Variants in YPEL4 observed in about 807,000 individuals in gnomAD.
YPEL4 encodes the protein protein yippee-like 4.
Under a neutral mutation model 16.3 loss-of-function variants are expected in YPEL4, and 5 were observed. The ratio of observed to expected loss-of-function variants is 0.31; its 90% CI spans 0.16 to 0.64. The LOEUF is 0.64. YPEL4 is among the 30% of genes least tolerant of loss of function. YPEL4 has a pLI of 0.79. For missense variants in YPEL4, 127 were observed against 170.0 expected (o/e 0.75, Z 1.41); for synonymous variants, 61 against 60.7 (o/e 1.00, Z -0.02).
chr11:57,646,656 A>T, intron 3 of YPEL4, 95 bp downstream of exon 3: 2 of 1,546,368 alleles, frequency 1.3e-6, no homozygotes, highest in Middle Eastern at 1.7e-4. Context: ...TGAAGGCACA[A>T]GATCACCTGA....
chr11:57,646,814 ACAATGACTAC>A lies in YPEL4; in HGVS notation c.142-30_142-21del. ...GAAGGACTGTGGAGACATAGGACAG[ACAATGACTAC>A]CAAGCAGCCTTCAGCCCCACTGCCT... is the stretch of plus-strand genomic sequence containing the variant. On this transcript the variant is annotated intron_variant, in intron 2 of 4. Transcript: ENST00000300022. 6.2e-7 allele frequency: 1 copy of A among 1,613,708 alleles called. No individual in the cohort carries two copies. Among genetic ancestry groups the A allele is most frequent in the South Asian group, 1.1e-5 (1 of 90,932 alleles).
chr11:57,646,961 G>C lies in YPEL4; in HGVS notation c.141+6C>G, dbSNP rs768354964. 6.4e-7 allele frequency: 1 copy of C among 1,569,204 alleles called. No individual in the cohort carries two copies. Among genetic ancestry groups the C allele is most frequent in the Admixed American group, 1.9e-5 (1 of 52,466 alleles). On this transcript the variant is annotated splice_donor_region_variant and intron_variant, in intron 2 of 4. Transcript: ENST00000300022. ...GAGGGGAATGGCAGGTCCCCGCTTC[G>C]CGTACCTTGGAAATAAGCTCATCGT...
Position 57,646,834 on chromosome 11 carries a change from T to G in YPEL4, c.142-40A>C, listed in dbSNP as rs761758034. ...GACAGACAATGACTACCAAGCAGCC[T>G]TCAGCCCCACTGCCTGAATCCCCGC... On this transcript the variant is annotated intron_variant, in intron 2 of 4. Transcript: ENST00000300022. 5.0e-6 allele frequency: 8 copies of G among 1,612,370 alleles called. No homozygotes were observed. In the East Asian group the frequency reaches 6.7e-5, roughly 13 times the overall value.
chr11:57,646,285 T>C lies in YPEL4; in HGVS notation c.294+12A>G. 1 of 1,614,072 alleles carries C rather than the reference T, an allele frequency of 6.2e-7. No homozygotes were observed. The highest frequency in any genetic ancestry group is 8.5e-7 in the Non-Finnish European group (1 of 1,179,954). On this transcript the variant is annotated intron_variant, in intron 4 of 4. Transcript: ENST00000300022. ...CCACTTTAGAGGGTGACCCTCTTCC[T>C]CAGGTACTTACATATTTCCAGCCCA...
chr11:57,646,070 C>T lies in YPEL4; in HGVS notation c.295G>A (p.Glu99Lys). The T allele has an allele frequency of 6.2e-7, 1 of 1,614,094 alleles. No individual in the cohort carries two copies. Among genetic ancestry groups the T allele is most frequent in the Non-Finnish European group, 8.5e-7 (1 of 1,180,022 alleles). Residue 99 changes from glutamate to lysine, a missense_variant and splice_region_variant, in exon 5 of 5, where the codon GAG (glutamate) becomes AAG (lysine). Coordinates refer to ENST00000300022, the MANE Select transcript of YPEL4 (RefSeq NM_145008.3). ...SCKTTLGWKY[E>K]QAFETSQKYK... ...TTCTGGCTCGTCTCAAAAGCTTGCTCCTGGTGAAGGAGAAAGCAGTGATTG... is the reference window on the plus strand; with the variant it reads ...TTCTGGCTCGTCTCAAAAGCTTGCTTCTGGTGAAGGAGAAAGCAGTGATTG...
In YPEL4 at chr11:57,647,092, G is replaced by A. The variant is rs1235416328; in HGVS notation, c.16C>T (p.Pro6Ser). The change falls in exon 2 of 5, where the codon CCC (proline) becomes TCC (serine). Residue 6 changes from proline (P) to serine (S), a missense_variant. By Grantham distance (74) the Pro-to-Ser change is moderately conservative. Transcript: ENST00000300022. The surrounding 1 kb of genome is among the most constrained non-coding windows in gnomAD (Gnocchi z 4.2). MPSCD[P>S]GPGPACLPTK... ...GGGAGGCAGGCAGGGCCCGGACCGG[G>A]GTCACAGCTGGGCATGACGGGCTGG... is the stretch of plus-strand genomic sequence containing the variant. 2 of 1,584,158 alleles carry A rather than the reference G, an allele frequency of 1.3e-6. No homozygotes were observed. Among genetic ancestry groups the A allele is most frequent in the Non-Finnish European group, 1.7e-6 (2 of 1,167,746 alleles).
At position 57,646,744 on chromosome 11, in the gene YPEL4, G is replaced by C. The variant is rs951600652; in HGVS notation, c.185+7C>G. 1 of 1,613,694 alleles carries C rather than the reference G, an allele frequency of 6.2e-7. No homozygotes were observed. Among genetic ancestry groups the C allele is most frequent in the African/African-American group, 1.3e-5 (1 of 74,924 alleles). On this transcript the variant is annotated splice_region_variant and intron_variant, in intron 3 of 4. Coordinates refer to ENST00000300022, the MANE Select transcript of YPEL4 (RefSeq NM_145008.3). ...AAGCACACGCACAAGGAAAGAGGTA[G>C]ACTCACACGGAGTTAAACAGGTAGG...
Position 57,647,308 on chromosome 11 carries a change from G to T in YPEL4, c.-184-17C>A. On this transcript the variant is annotated splice_polypyrimidine_tract_variant and intron_variant, in intron 1 of 4. Coordinates refer to ENST00000300022, the MANE Select transcript of YPEL4 (RefSeq NM_145008.3). This position sits in a 1 kb window ranked among gnomAD's most constrained non-coding sequence, Gnocchi z 4.2. ...AGAAGTCACCTGGGAAGAGGGGAAA[G>T]GACATCAGGGGAGCTGCGACCTCAG... 1.6e-6 allele frequency: 1 copy of T among 635,558 alleles called. No individual in the cohort carries two copies. Among genetic ancestry groups the T allele is most frequent in the South Asian group, 2.9e-5 (1 of 34,528 alleles). The allele number at this position is 635,558 out of a possible 1,614,324, so 39.4% of individuals were successfully genotyped here. A position where few individuals can be genotyped will look rare whatever the true frequency, so the allele number is the denominator to read the frequency against.
Position 57,646,918 on chromosome 11 carries a change from T to G in YPEL4, c.141+49A>C, listed in dbSNP as rs1393105397. Reference sequence around the variant, plus strand: ...CCTCACCCCTGGGTGATGTTCAGGCTAGCCTGGTGCGCGAGAGGAGGGGAA... The same window carrying G: ...CCTCACCCCTGGGTGATGTTCAGGCGAGCCTGGTGCGCGAGAGGAGGGGAA... On this transcript the variant is annotated intron_variant, in intron 2 of 4. Coordinates refer to ENST00000300022, the MANE Select transcript of YPEL4 (RefSeq NM_145008.3). The G allele has an allele frequency of 1.9e-6, 3 of 1,573,166 alleles. No individual in the cohort carries two copies. The East Asian group carries it at 6.9e-5, about 36-fold the overall frequency.
intron 2 of YPEL4, 22 bp from the exon 3 acceptor site, chr11:57,646,816 A>C: frequency 6.2e-7 from 1 of 1,613,610 alleles, no homozygotes; most frequent in African/African-American, 1.3e-5. Flanking sequence ...TAGGACAGAC[A>C]ATGACTACCA....
Position 57,646,364 on chromosome 11 carries a change from A to G in YPEL4, c.227T>C (p.Leu76Pro). 1 of 1,614,156 alleles carries G rather than the reference A, an allele frequency of 6.2e-7. No homozygotes were observed. The highest frequency in any genetic ancestry group is 8.5e-7 in the Non-Finnish European group (1 of 1,180,034). Residue 76 changes from leucine to proline, a missense_variant, in exon 4 of 5, where the codon CTC becomes CCC. Leu to Pro is a moderately conservative substitution (Grantham distance 98). Coordinates refer to ENST00000300022, the MANE Select transcript of YPEL4 (RefSeq NM_145008.3). ...GCGPAEQRLL[L>P]TGLHSVADIF... ...GTCAGCTACCGAGTGGAGCCCCGTG[A>G]GCAAGAGGCGCTGTTCAGCTGGCCC...
In YPEL4 at chr11:57,647,176, C is replaced by T. The variant is rs1451941527; in HGVS notation, c.-69G>A. ...GCCGTGCAGCCCCCGCAGAGACGGT[C>T]GCAGGTGAAGCAGCGGAGCAGGTTG... On this transcript the variant is annotated 5_prime_UTR_variant, in exon 2 of 5. Transcript: ENST00000300022. This position sits in a 1 kb window ranked among gnomAD's most constrained non-coding sequence, Gnocchi z 4.2. The T allele has an allele frequency of 6.1e-6, 9 of 1,476,408 alleles. No individual in the cohort carries two copies. The highest frequency in any genetic ancestry group is 1.4e-5 in the African/African-American group (1 of 70,074). The allele number at this position is 1,476,408 out of a possible 1,614,324, so 91.5% of individuals were successfully genotyped here. A position where few individuals can be genotyped will look rare whatever the true frequency, so the allele number is the denominator to read the frequency against.
chr11:57,647,271 C>T lies in YPEL4; in HGVS notation c.-164G>A. 1.0e-6 allele frequency: 1 copy of T among 975,062 alleles called. No homozygotes were observed. Among genetic ancestry groups the T allele is most frequent in the Non-Finnish European group, 1.4e-6 (1 of 696,466 alleles). The allele number at this position is 975,062 out of a possible 1,614,324, so 60.4% of individuals were successfully genotyped here. A position where few individuals can be genotyped will look rare whatever the true frequency, so the allele number is the denominator to read the frequency against. On this transcript the variant is annotated 5_prime_UTR_variant, in exon 2 of 5. Transcript: ENST00000300022. The surrounding 1 kb of genome is among the most constrained non-coding windows in gnomAD (Gnocchi z 4.2). ...CGGCCAGGGCCCCCCCAGACGAGAA[C>T]CAGATAGAAATAGAAGTCACCTGGG...
Position 57,646,080 on chromosome 11 carries a change from G to A in YPEL4, c.295-10C>T. On this transcript the variant is annotated splice_polypyrimidine_tract_variant and intron_variant, in intron 4 of 4. Transcript: ENST00000300022. The stretch of plus-strand genomic sequence containing the variant: ...TCTCAAAAGCTTGCTCCTGGTGAAG[G>A]AGAAAGCAGTGATTGTAGGACAAAG... The A allele has an allele frequency of 6.2e-7, 1 of 1,614,006 alleles. No individual in the cohort carries two copies. Among genetic ancestry groups the A allele is most frequent in the Non-Finnish European group, 8.5e-7 (1 of 1,180,000 alleles).
At chr11:57,646,549 G>T in intron 3 of YPEL4, 144 bp from the exon 4 acceptor site, 1 of 1,195,736 alleles carries the variant, frequency 8.4e-7, no homozygotes, top group South Asian at 1.4e-5. Flanking sequence ...CTAGAGCCTG[G>T]GCCTTCTTTT....
At position 57,645,839 on chromosome 11, in the gene YPEL4, G is replaced by A. The variant is rs7479323; in HGVS notation, c.*142C>T. ...CTGTTCTAAAGGGTGCCTGGTAGTG[G>A]ATATGGTGGAGGCAGGGGAGGGGTT... is the stretch of plus-strand genomic sequence containing the variant. On this transcript the variant is annotated 3_prime_UTR_variant, in exon 5 of 5. Transcript: ENST00000300022. 3 of 751,942 alleles carry A rather than the reference G, an allele frequency of 4.0e-6. No homozygotes were observed. The highest frequency in any genetic ancestry group is 6.5e-6 in the Non-Finnish European group (3 of 462,742). The allele number at this position is 751,942 out of a possible 1,614,324, so 46.6% of individuals were successfully genotyped here.
At chr11:57,646,724 C>T in intron 3 of YPEL4, 27 bp downstream of exon 3, 2 of 1,613,252 alleles carry the variant, frequency 1.2e-6, no homozygotes, top group Non-Finnish European at 1.7e-6. Context: ...AGCACAAGCA[C>T]ACGCACAAGG....
Position 57,646,450 on chromosome 11 carries a change from C to G in YPEL4, c.186-45G>C, listed in dbSNP as rs368827370. The stretch of plus-strand genomic sequence containing the variant: ...GGACCCAGCACCCAGTGGGGTTGCA[C>G]TGTCAGTCCAGTCCCCAGACAGCCC... On this transcript the variant is annotated intron_variant, in intron 3 of 4. Coordinates refer to ENST00000300022, the MANE Select transcript of YPEL4 (RefSeq NM_145008.3). The G allele has an allele frequency of 6.8e-6, 11 of 1,607,994 alleles. No individual in the cohort carries two copies. In the East Asian group the frequency reaches 8.9e-5, roughly 13 times the overall value.
intron 4 of YPEL4, 29 bp downstream of exon 4, chr11:57,646,268 G>C: frequency 6.2e-7 from 1 of 1,613,034 alleles, no homozygotes; most frequent in Non-Finnish European, 8.5e-7. Flanking sequence ...TGCCACTTTA[G>C]AGGGTGACCC....
Sources: allele counts gnomAD v4.1 joint callset, GRCh38; gene constraint gnomAD v4.1.1; non-coding constraint Gnocchi (gnomAD v3.1); transcripts MANE v1.5; gene names NCBI Gene and HGNC (gene_info 2026-07-23, HGNC 2026-07-21).